Variants in RELN observed in about 807,000 individuals in gnomAD.
The protein encoded by RELN is reelin.
A neutral mutation model predicts 427.6 loss-of-function variants in RELN; 108 were observed. The observed-to-expected ratio is 0.25, with a 90% CI of 0.22 to 0.30. The LOEUF (loss-of-function observed/expected upper bound fraction) is 0.30. Among genes scored for constraint, RELN ranks in the 10% least tolerant of loss-of-function variants. The pLI is 1.00. For synonymous variants in RELN, 1,524 were observed against 1,513.4 expected, an observed-to-expected ratio of 1.01 and a Z score of -0.16; for missense variants, 3,715 against 4,302.8, an observed-to-expected ratio of 0.86 and a Z score of 3.82.
rs202240513 is a variant in RELN, at chr7:103,646,662, A to AGAC, written c.2002+3609_2002+3611dup. ...CCAACAAATAAAAGCTCTCAGGACG[A>AGAC]GACTAATTCACAGCTGAATTCTGCA... is the stretch of plus-strand genomic sequence containing the variant. On this transcript the variant is annotated intron_variant, in intron 16 of 64. Transcript: ENST00000428762. 7.4e-3 allele frequency among the ~76,000 whole-genome samples: 1,124 copies of AGAC among 152,116 alleles called. 8 individuals carry two copies. Among genetic ancestry groups the AGAC allele is most frequent in the Non-Finnish European group, 0.011 (745 of 67,920 alleles).
At chr7:103,900,645 T>C (rs1298567341) in intron 2 of RELN, among the ~76,000 whole-genome samples, 1 of 151,924 alleles carries the variant, frequency 6.6e-6, no homozygotes, top group Non-Finnish European at 1.5e-5. Context: ...TATCTGCAAA[T>C]ACAGACCAAT....
At chr7:103,500,424 A>G (rs944199593) in intron 53 of RELN, among the ~76,000 whole-genome samples, 5 of 152,194 alleles carry the variant, frequency 3.3e-5, no homozygotes, top group East Asian at 1.9e-4. Flanking sequence ...TAGTGCATCA[A>G]TTGAAAAAGT....
chr7:103,749,616 T>C (rs1790943209), intron 5 of RELN, 112 bp from the exon 6 acceptor site: 1 of 792,218 alleles, frequency 1.3e-6, no homozygotes. Flanking sequence ...TAAAACTAAA[T>C]TTTAAATGAG....
chr7:103,811,955 A>T lies in RELN; in HGVS notation c.473+21582T>A, dbSNP rs192011410. ...GCATAAAGCCCTTGGATAAGCTAAT[A>T]GCATTTCTATAAAGAATAAGCTGGT... On this transcript the variant is annotated intron_variant, in intron 3 of 64. Coordinates refer to ENST00000428762, the MANE Select transcript of RELN (RefSeq NM_005045.4). 6.3e-4 allele frequency among the ~76,000 whole-genome samples: 96 copies of T among 152,368 alleles called. No individual in the cohort carries two copies. In the Middle Eastern group the frequency reaches 0.024, roughly 38 times the overall value.
intron 28 of RELN, among the ~76,000 whole-genome samples, chr7:103,583,724 C>G (rs1421725350): frequency 6.6e-6 from 1 of 152,156 alleles, no homozygotes; most frequent in African/African-American, 2.4e-5. Context: ...GAGAAGGAAA[C>G]AAGTAGCCAG....
At chr7:103,687,952 T>C (rs932828999) in intron 10 of RELN, among the ~76,000 whole-genome samples, 3 of 152,148 alleles carry the variant, frequency 2.0e-5, no homozygotes, top group South Asian at 2.1e-4. Context: ...ATAGGCCTCA[T>C]TGGGGGGAAT....
At chr7:103,534,493 A>C (rs1472757682) in intron 46 of RELN, among the ~76,000 whole-genome samples, 2 of 80,692 alleles carry the variant, frequency 2.5e-5, no homozygotes, top group Non-Finnish European at 6.1e-5. Flanking sequence ...TTTAATTTTT[A>C]ATTTTTTTTT....
intron 48 of RELN, among the ~76,000 whole-genome samples, chr7:103,521,137 C>T (rs924741578): frequency 6.7e-5 from 10 of 150,170 alleles, no homozygotes; most frequent in African/African-American, 1.7e-4. Flanking sequence ...CCACCGCGCC[C>T]GGCTAATTTT....
At chr7:103,981,522 G>C (rs570787479) in intron 1 of RELN, among the ~76,000 whole-genome samples, 1 of 152,144 alleles carries the variant, frequency 6.6e-6, no homozygotes, top group South Asian at 2.1e-4. Context: ...GCTTGATACA[G>C]GAATTATGAC....
At chr7:103,796,034 C>G (rs1792290286) in intron 3 of RELN, among the ~76,000 whole-genome samples, 1 of 152,200 alleles carries the variant, frequency 6.6e-6, no homozygotes, top group African/African-American at 2.4e-5. Context: ...TCTCATCTGA[C>G]ACAGTGCCAA....
intron 11 of RELN, among the ~76,000 whole-genome samples, chr7:103,662,302 C>T (rs545909097): frequency 4.1e-4 from 63 of 152,172 alleles, no homozygotes; most frequent in Middle Eastern, 3.4e-3. Flanking sequence ...AATGTGTTGA[C>T]GAAATCACAT....
chr7:103,522,884 T>C (rs899677823), intron 47 of RELN, among the ~76,000 whole-genome samples: 7 of 98,098 alleles, frequency 7.1e-5, no homozygotes, highest in Admixed American at 5.9e-4. Flanking sequence ...ATTCCAAGTA[T>C]ACTGAGGTTC....
chr7:103,591,239 G>T (rs116416714), intron 27 of RELN, among the ~76,000 whole-genome samples: 8 of 152,046 alleles, frequency 5.3e-5, no homozygotes, highest in Non-Finnish European at 1.2e-4. Flanking sequence ...TGTTGTAAAA[G>T]ACTTTACTAA....
At chr7:103,735,979 A>T (rs559532542) in intron 6 of RELN, among the ~76,000 whole-genome samples, 1 of 152,346 alleles carries the variant, frequency 6.6e-6, no homozygotes, top group Non-Finnish European at 1.5e-5. Context: ...AAAGGAAAAG[A>T]AAAGTTTCTT....
At chr7:103,967,590 T>C (rs1179270254) in intron 1 of RELN, among the ~76,000 whole-genome samples, 1 of 152,186 alleles carries the variant, frequency 6.6e-6, no homozygotes, top group Non-Finnish European at 1.5e-5. Flanking sequence ...GGCTCCCTGC[T>C]GCCCACAGAC....
chr7:103,915,574 T>A (rs1257086638), intron 2 of RELN, among the ~76,000 whole-genome samples: 1 of 152,128 alleles, frequency 6.6e-6, no homozygotes, highest in Non-Finnish European at 1.5e-5. Context: ...GATGGCTGGA[T>A]TGGGCACTGA....
At chr7:103,667,172 C>T (rs894787332) in intron 11 of RELN, among the ~76,000 whole-genome samples, 1 of 152,166 alleles carries the variant, frequency 6.6e-6, no homozygotes, top group Non-Finnish European at 1.5e-5. Flanking sequence ...CTCAGCCAGC[C>T]TTGTTGTCAC....
intron 19 of RELN, among the ~76,000 whole-genome samples, chr7:103,631,286 C>CTTTTTTT (rs545808640): frequency 0.015 from 1,132 of 77,794 alleles, 109 homozygotes; most frequent in East Asian, 0.036. Flanking sequence ...AAAAACACTT[C>CTTTTTTT]TTTTTTTTTT....
chr7:103,720,400 G>A (rs1790046467), intron 8 of RELN, among the ~76,000 whole-genome samples: 1 of 152,072 alleles, frequency 6.6e-6, no homozygotes, highest in South Asian at 2.1e-4. Context: ...GGTTATACAT[G>A]CCCAATTATG....
Sources: allele counts gnomAD v4.1 joint callset (sites outside exome capture counted in the v4.1 genomes callset), GRCh38; gene constraint gnomAD v4.1.1; transcripts MANE v1.5; gene names NCBI Gene and HGNC (gene_info 2026-07-23, HGNC 2026-07-21).